DOCK3: variants seen among roughly 807,000 people sequenced by gnomAD.
The protein encoded by DOCK3 is dedicator of cytokinesis 3, also known as dedicator of cytokinesis protein 3.
Under a neutral mutation model 265.6 loss-of-function variants are expected in DOCK3, and 60 were observed. The observed-to-expected ratio is 0.23, with a 90% CI of 0.18 to 0.28. The LOEUF (loss-of-function observed/expected upper bound fraction) is 0.28, where lower values mean the gene tolerates loss of function less well. Among genes scored for constraint, DOCK3 ranks in the 10% least tolerant of loss-of-function variants. The pLI is 1.00. For synonymous variants in DOCK3, 881 were observed against 938.0 expected, an observed-to-expected ratio of 0.94 and a Z score of 1.11; for missense variants, 1,981 against 2,594.3, an observed-to-expected ratio of 0.76 and a Z score of 5.14.
intron 27 of DOCK3, among the ~76,000 whole-genome samples, chr3:51,280,448 G>C (rs2081051832): frequency 1.3e-5 from 2 of 152,148 alleles, no homozygotes; most frequent in South Asian, 2.1e-4. Context: ...GTGATCATGT[G>C]CCTCTATTAG....
rs143568666 is a variant in DOCK3 at position 51,179,230 on chromosome 3, G to A, written c.1037+18528G>A. Among the ~76,000 whole-genome samples, 1,043 of 152,244 alleles carry A rather than the reference G, an allele frequency of 6.9e-3. 5 individuals are homozygous for A. Among genetic ancestry groups the A allele is most frequent in the Middle Eastern group, 0.024 (7 of 294 alleles). On this transcript the variant is annotated intron_variant, in intron 12 of 52. Coordinates refer to ENST00000266037, the MANE Select transcript of DOCK3 (RefSeq NM_004947.5). ...GAAAAACTTCTATAATTTTCATAAGGCAGAAATTGCATAGCCCTTACTCTC... is the reference window on the plus strand; with the variant it reads ...GAAAAACTTCTATAATTTTCATAAGACAGAAATTGCATAGCCCTTACTCTC...
In DOCK3 at chr3:51,277,676, G is replaced by C. The variant is rs747148543; in HGVS notation, c.2745G>C (p.Leu915=). 1.4e-5 allele frequency: 22 copies of C among 1,608,406 alleles called. No individual in the cohort carries two copies. The highest frequency in any genetic ancestry group is 1.9e-5 in the Non-Finnish European group (22 of 1,177,750). The change falls in exon 26 of 53, where the codon CTG becomes CTC. Residue 915 remains leucine, a synonymous_variant. Coordinates refer to ENST00000266037, the MANE Select transcript of DOCK3 (RefSeq NM_004947.5). ...ESLLDVLLQT[L]LTIMSKSHAQ... is the part of the protein sequence containing the mutation. ...TCCTGGACGTGCTCTTGCAGACTCTGCTCACCATCATGAGCAAATCGCACG... is the reference window on the plus strand; with the variant it reads ...TCCTGGACGTGCTCTTGCAGACTCTCCTCACCATCATGAGCAAATCGCACG...
intron 5 of DOCK3, among the ~76,000 whole-genome samples, chr3:51,035,443 T>C (rs1396841552): frequency 1.3e-5 from 2 of 152,154 alleles, no homozygotes; most frequent in Non-Finnish European, 2.9e-5. Context: ...TATAATTTCT[T>C]TTGAGATTTC....
intron 5 of DOCK3, among the ~76,000 whole-genome samples, chr3:50,973,244 C>G (rs984879506): frequency 6.7e-6 from 1 of 149,962 alleles, no homozygotes; most frequent in Non-Finnish European, 1.5e-5. Context: ...CCCACTAACT[C>G]GTCATCTAGC....
At chr3:50,832,650 G>GCC (rs1010738611) in intron 2 of DOCK3, among the ~76,000 whole-genome samples, 5 of 152,114 alleles carry the variant, frequency 3.3e-5, no homozygotes, top group African/African-American at 1.2e-4. Flanking sequence ...ATTTTACCTA[G>GCC]CCCCTATTCA....
intron 1 of DOCK3, among the ~76,000 whole-genome samples, chr3:50,685,059 T>G (rs1215165149): frequency 6.6e-6 from 1 of 152,192 alleles, no homozygotes; most frequent in East Asian, 1.9e-4. Flanking sequence ...AGTAGGCATT[T>G]AAAATAAATT....
intron 2 of DOCK3, among the ~76,000 whole-genome samples, chr3:50,831,212 TA>T: frequency 1.3e-5 from 2 of 150,412 alleles, no homozygotes; most frequent in South Asian, 2.1e-4. Flanking sequence ...TTTATTTATT[TA>T]TTTATTTATT....
chr3:51,298,163 G>C (rs1209193805), intron 27 of DOCK3, among the ~76,000 whole-genome samples: 6 of 152,124 alleles, frequency 3.9e-5, no homozygotes, highest in African/African-American at 1.4e-4. Context: ...ATTTCTTCAT[G>C]AATGAACTTT....
chr3:50,905,698 T>A (rs2049453377), intron 4 of DOCK3, among the ~76,000 whole-genome samples: 1 of 152,108 alleles, frequency 6.6e-6, no homozygotes, highest in South Asian at 2.1e-4. Context: ...TACAATCATG[T>A]CATCTGCAAA....
intron 3 of DOCK3, among the ~76,000 whole-genome samples, chr3:50,859,002 A>T (rs1323325462): frequency 1.3e-5 from 2 of 151,690 alleles, no homozygotes; most frequent in East Asian, 3.9e-4. Context: ...GCTCTGTCAG[A>T]CCCGTTAGGT....
At chr3:50,978,730 G>A (rs1227124714) in intron 5 of DOCK3, among the ~76,000 whole-genome samples, 6 of 152,196 alleles carry the variant, frequency 3.9e-5, no homozygotes, top group East Asian at 1.9e-4. Context: ...AATGGCGGGC[G>A]CCCCTCCCCC....
At chr3:51,380,415 C>A (rs576961419) in intron 52 of DOCK3, among the ~76,000 whole-genome samples, 62 of 152,302 alleles carry the variant, frequency 4.1e-4, no homozygotes, top group Middle Eastern at 3.4e-3. Flanking sequence ...GCAGGGAGAT[C>A]AGAGGGTCCT....
intron 22 of DOCK3, among the ~76,000 whole-genome samples, chr3:51,249,764 C>G (rs1405259445): frequency 2.5e-5 from 3 of 118,814 alleles, no homozygotes; most frequent in Middle Eastern, 3.8e-3. Flanking sequence ...ACCACCCCGT[C>G]TGGGAGGTGT....
At chr3:50,987,117 A>G (rs190730486) in intron 5 of DOCK3, among the ~76,000 whole-genome samples, 21 of 152,344 alleles carry the variant, frequency 1.4e-4, no homozygotes, top group African/African-American at 4.8e-4. Context: ...GACAAGGGAT[A>G]TGTGTGTTCT....
chr3:51,131,608 G>A (rs2084549657), intron 9 of DOCK3, among the ~76,000 whole-genome samples: 1 of 152,072 alleles, frequency 6.6e-6, no homozygotes, highest in Admixed American at 6.5e-5. Context: ...TTTTCTGCTT[G>A]TATAAATTAA....
rs1292360043 is a variant in DOCK3 at position 51,249,444 on chromosome 3, C to T, written c.2184+2637C>T. Among the ~76,000 whole-genome samples, 2 of 123,358 alleles carry T rather than the reference C, an allele frequency of 1.6e-5. 1 individual carries two copies. Among genetic ancestry groups the T allele is most frequent in the Non-Finnish European group, 3.5e-5 (2 of 56,872 alleles). The allele number at this position is 123,358 out of a possible 152,430, so 80.9% of individuals were successfully genotyped here. On this transcript the variant is annotated intron_variant, in intron 22 of 52. Coordinates refer to ENST00000266037, the MANE Select transcript of DOCK3 (RefSeq NM_004947.5). ...TGAGGGGCGCCTCTGTCCGGCCGCC[C>T]CTACTGGGAAGTGAGGAGCCCCTCT...
intron 2 of DOCK3, among the ~76,000 whole-genome samples, chr3:50,810,643 G>A (rs2043695468): frequency 6.6e-6 from 1 of 152,040 alleles, no homozygotes. Context: ...AAACAACTTT[G>A]TAAAAAAGTT....
intron 5 of DOCK3, among the ~76,000 whole-genome samples, chr3:51,048,827 C>T (rs1016475415): frequency 3.3e-5 from 5 of 151,546 alleles, no homozygotes; most frequent in Admixed American, 6.6e-5. Flanking sequence ...CGTGCCACTG[C>T]ACTCCAGCCT....
chr3:51,165,025 G>A (rs368817466), intron 12 of DOCK3, among the ~76,000 whole-genome samples: 1 of 131,430 alleles, frequency 7.6e-6, no homozygotes, highest in Non-Finnish European at 1.5e-5. Context: ...TGCAGCCTCC[G>A]CCTCCCAGAT....
Sources: allele counts gnomAD v4.1 joint callset (sites outside exome capture counted in the v4.1 genomes callset), GRCh38; gene constraint gnomAD v4.1.1; transcripts MANE v1.5; gene names NCBI Gene and HGNC (gene_info 2026-07-23, HGNC 2026-07-21).